Variants in MYH11 observed in about 807,000 individuals in gnomAD.
MYH11 encodes myosin-11.
A neutral mutation model predicts 246.6 loss-of-function variants in MYH11; 80 were observed. That is an observed-to-expected ratio of 0.32 (90% CI 0.27 to 0.39). The LOEUF (loss-of-function observed/expected upper bound fraction) is 0.39, where lower values mean the gene tolerates loss of function less well. Among genes scored for constraint, MYH11 ranks in the 10% least tolerant of loss-of-function variants. MYH11 has a pLI of 1.00. For synonymous variants in MYH11, 1,071 were observed against 1,015.5 expected, an observed-to-expected ratio of 1.05 and a Z score of -1.04; for missense variants, 2,158 against 2,546.8, an observed-to-expected ratio of 0.85 and a Z score of 3.29.
intron 3 of MYH11, among the ~76,000 whole-genome samples, chr16:15,816,088 C>A (rs1012461407): frequency 6.6e-5 from 10 of 152,184 alleles, no homozygotes; most frequent in African/African-American, 1.7e-4. Flanking sequence ...CACGTACATT[C>A]TTTCTTGGGA....
In MYH11 at chr16:15,724,651, A is replaced by G; in HGVS notation, c.4112T>C (p.Ile1371Thr). 1 of 1,614,060 alleles carries G rather than the reference A, an allele frequency of 6.2e-7. No individual in the cohort carries two copies. Among genetic ancestry groups the G allele is most frequent in the East Asian group, 2.2e-5 (1 of 44,876 alleles). The change falls in exon 30 of 41, where the codon ATC (isoleucine) becomes ACC (threonine). Residue 1371 changes from isoleucine to threonine, a missense_variant. Transcript: ENST00000300036. ...NLERHISTLN[I>T]QLSDSKKKLQ... The stretch of plus-strand genomic sequence containing the variant: ...GCAAGGACACGGGGCAGGCACCTGG[A>G]TGTTGAGAGTGGAGATGTGGCGCTC...
chr16:15,834,144 A>G (rs746835989), intron 2 of MYH11, among the ~76,000 whole-genome samples: 12 of 151,974 alleles, frequency 7.9e-5, no homozygotes, highest in African/African-American at 1.9e-4. Flanking sequence ...AACTCCCTAG[A>G]TGGTGATGAT....
chr16:15,763,742 C>CGGGGG, intron 10 of MYH11, 54 bp downstream of exon 10: 16 of 627,760 alleles, frequency 2.5e-5, no homozygotes, highest in East Asian at 6.5e-5. Context: ...AATGTCACCT[C>CGGGGG]CCCCACCCCC....
At chr16:15,842,653 A>C (rs1296854064) in intron 1 of MYH11, among the ~76,000 whole-genome samples, 1 of 150,182 alleles carries the variant, frequency 6.7e-6, no homozygotes, top group Non-Finnish European at 1.5e-5. Context: ...AATCCTAGCT[A>C]CTCGGGAGGC....
chr16:15,850,489 C>T (rs891260399), intron 1 of MYH11, among the ~76,000 whole-genome samples: 7 of 152,202 alleles, frequency 4.6e-5, no homozygotes, highest in Non-Finnish European at 1.0e-4. Context: ...GATTTTACTG[C>T]CAAGCCATTG....
At position 15,741,415 on chromosome 16, in the gene MYH11, G is replaced by T. The variant is rs769953329; in HGVS notation, c.2859+48C>A. The stretch of plus-strand genomic sequence containing the variant: ...TGCACCTCCACAGGCCTGTGGTGAG[G>T]GTCAAGTGATTTGCTACCCACCACG... On this transcript the variant is annotated intron_variant, in intron 22 of 40. Transcript: ENST00000300036. 52 of 1,582,612 alleles carry T rather than the reference G, an allele frequency of 3.3e-5. No individual in the cohort carries two copies. In the Admixed American group the frequency reaches 8.3e-4, roughly 25 times the overall value.
chr16:15,737,374 C>G, intron 25 of MYH11, 75 bp downstream of exon 25: 1 of 1,592,422 alleles, frequency 6.3e-7, no homozygotes, highest in Non-Finnish European at 8.5e-7. Flanking sequence ...AAGACAGCCA[C>G]TGCGAATGAG....
At chr16:15,764,783 C>A (rs1455161940) in intron 9 of MYH11, among the ~76,000 whole-genome samples, 1 of 152,168 alleles carries the variant, frequency 6.6e-6, no homozygotes, top group Non-Finnish European at 1.5e-5. Flanking sequence ...ACACAATTTT[C>A]TCCATGTAAA....
Position 15,741,554 on chromosome 16 carries a change from A to G in MYH11, c.2768T>C (p.Ile923Thr). The change falls in exon 22 of 41, where the codon ATA (isoleucine) becomes ACA (threonine). Residue 923 changes from isoleucine (I) to threonine (T), a missense_variant. Physicochemically the swap from Ile to Thr is moderately conservative, Grantham distance 89. Around this residue, in one of 11 missense-constraint regions of MYH11, gnomAD observed 284 missense variants for 315.4 expected, o/e 0.90. Coordinates refer to ENST00000300036, the MANE Select transcript of MYH11 (RefSeq NM_002474.3). ...CAGGCGGGCCTCCATCTCATGCAGT[A>G]TCTCCTCCAGCTCCTGCTTCTTGGC... is the stretch of plus-strand genomic sequence containing the variant. ...LAAKKQELEE[I>T]LHEMEARLEE... 6.2e-7 allele frequency: 1 copy of G among 1,611,028 alleles called. No homozygotes were observed. The highest frequency in any genetic ancestry group is 8.5e-7 in the Non-Finnish European group (1 of 1,179,996).
Position 15,850,110 on chromosome 16 carries a change from C to T in MYH11, c.-18+6831G>A, listed in dbSNP as rs112593261. Among the ~76,000 whole-genome samples, 413 of 152,320 alleles carry T rather than the reference C, an allele frequency of 2.7e-3. 3 individuals are homozygous for T. Among genetic ancestry groups the T allele is most frequent in the African/African-American group, 9.6e-3 (398 of 41,574 alleles). On this transcript the variant is annotated intron_variant, in intron 1 of 40. Transcript: ENST00000300036. ...TTAATAAAAAGTAAATTAGGCCGGG[C>T]ATGGTGGCTGATGCCTGTAATCCCA... is the stretch of plus-strand genomic sequence containing the variant.
intron 10 of MYH11, 49 bp downstream of exon 10, chr16:15,763,747 A>G: frequency 2.9e-6 from 1 of 349,142 alleles, no homozygotes; most frequent in Non-Finnish European, 5.7e-6. Flanking sequence ...CACCTCCCCC[A>G]CCCCCCCAAC....
Position 15,724,415 on chromosome 16 carries a change from A to C in MYH11, c.4117-6T>G, listed in dbSNP as rs370252949. ...TTCTTCTTCGAGTCGGAGAGCTACA[A>C]GGACAGCGTCCAGGGTAGGGTGAGA... On this transcript the variant is annotated splice_polypyrimidine_tract_variant and splice_region_variant and intron_variant, in intron 30 of 40. Coordinates refer to ENST00000300036, the MANE Select transcript of MYH11 (RefSeq NM_002474.3). The C allele has an allele frequency of 1.2e-5, 20 of 1,613,592 alleles. No individual in the cohort carries two copies. The African/African-American group carries it at 2.4e-4, about 19-fold the overall frequency.
intron 40 of MYH11, among the ~76,000 whole-genome samples, chr16:15,708,276 G>A (rs2039575566): frequency 1.3e-5 from 2 of 152,192 alleles, no homozygotes; most frequent in Admixed American, 1.3e-4. Context: ...TGAATCATGG[G>A]AGGACTGGTT....
chr16:15,796,316 C>T (rs2042741908), intron 4 of MYH11, among the ~76,000 whole-genome samples: 1 of 152,204 alleles, frequency 6.6e-6, no homozygotes, highest in Admixed American at 6.5e-5. Context: ...TTAGATGAAA[C>T]AGCACCTGCT....
At chr16:15,728,748 A>G (rs1567706919) in intron 27 of MYH11, among the ~76,000 whole-genome samples, 1 of 152,008 alleles carries the variant, frequency 6.6e-6, no homozygotes, top group Non-Finnish European at 1.5e-5. Flanking sequence ...AAAAATATAA[A>G]AATTAGCCGG....
rs373441599 is a variant in MYH11, at chr16:15,733,994, A to G, written c.3507-1286T>C. ...ACAGCTAGCATAGCTATATGCTATG[A>G]TACATGCTATGCCAACACCACAGAT... On this transcript the variant is annotated intron_variant, in intron 26 of 40. Transcript: ENST00000300036. Among the ~76,000 whole-genome samples the G allele has an allele frequency of 6.7e-4, 102 of 152,362 alleles. 1 individual carries two copies. In the South Asian group the frequency reaches 0.02, roughly 31 times the overall value.
At position 15,751,077 on chromosome 16, in the gene MYH11, G is replaced by A. The variant is rs78863349; in HGVS notation, c.1865-746C>T. Among the ~76,000 whole-genome samples the A allele has an allele frequency of 0.014, 2,165 of 151,846 alleles. 76 individuals are homozygous for A. In the East Asian group the frequency reaches 0.16, roughly 11 times the overall value. Reference sequence around the variant, plus strand: ...AGGCAGAAGATACAGCACACACTCCGAGATAGCCTGGCACATCAGTAAGTG... The same window carrying A: ...AGGCAGAAGATACAGCACACACTCCAAGATAGCCTGGCACATCAGTAAGTG... On this transcript the variant is annotated intron_variant, in intron 15 of 40. Transcript: ENST00000300036.
At chr16:15,759,887 G>A (rs188735909) in intron 11 of MYH11, among the ~76,000 whole-genome samples, 159 bp from the exon 12 acceptor site, 5 of 152,214 alleles carry the variant, frequency 3.3e-5, no homozygotes, top group Admixed American at 2.0e-4. Flanking sequence ...ACTTGAGGTC[G>A]GGAGTTCAAG....
chr16:15,763,741 T>TGGGGGGGG, intron 10 of MYH11, 55 bp downstream of exon 10: 10 of 646,846 alleles, frequency 1.5e-5, no homozygotes, highest in East Asian at 3.2e-5. Flanking sequence ...AAATGTCACC[T>TGGGGGGGG]CCCCCACCCC....
Sources: allele counts gnomAD v4.1 joint callset (sites outside exome capture counted in the v4.1 genomes callset), GRCh38; gene constraint gnomAD v4.1.1; regional missense constraint gnomAD v4.1.1; transcripts MANE v1.5; gene names NCBI Gene and HGNC (gene_info 2026-07-23, HGNC 2026-07-21).